CMSS1: variants seen among roughly 807,000 people sequenced by gnomAD.
The protein encoded by CMSS1 is cms1 ribosomal small subunit homolog.
A neutral mutation model predicts 43.5 loss-of-function variants in CMSS1; 33 were observed. That is an observed-to-expected ratio of 0.76 (90% CI 0.57 to 1.01). The LOEUF (loss-of-function observed/expected upper bound fraction) is 1.01. Among genes scored for constraint, CMSS1 ranks in the 50% least tolerant of loss-of-function variants. The pLI is 0.00. For missense variants in CMSS1, 313 were observed against 326.4 expected (o/e 0.96, Z 0.32); for synonymous variants, 115 against 117.2 (o/e 0.98, Z 0.12).
At chr3:100,122,384 G>A (rs1165511096) in intron 1 of CMSS1, among the ~76,000 whole-genome samples, 6 of 152,208 alleles carry the variant, frequency 3.9e-5, no homozygotes, top group African/African-American at 7.2e-5. Context: ...TAGCCACTGG[G>A]CATGGTTGGA....
At chr3:99,920,144 T>A (rs971211560) in intron 1 of CMSS1, among the ~76,000 whole-genome samples, 6 of 152,224 alleles carry the variant, frequency 3.9e-5, no homozygotes, top group African/African-American at 1.4e-4. Context: ...TAACAATATT[T>A]CTTTCCTGCT....
intron 1 of CMSS1, among the ~76,000 whole-genome samples, chr3:99,935,383 C>T (rs548796925): frequency 6.6e-6 from 1 of 152,032 alleles, no homozygotes; most frequent in Admixed American, 6.6e-5. Context: ...GCTTAGTTGT[C>T]AGTTTAACAC....
chr3:99,981,926 G>A (rs1007746289), intron 1 of CMSS1, among the ~76,000 whole-genome samples: 2 of 152,118 alleles, frequency 1.3e-5, no homozygotes, highest in African/African-American at 4.8e-5. Flanking sequence ...AGGAATTCAC[G>A]ACCAGCCTGG....
intron 1 of CMSS1, among the ~76,000 whole-genome samples, chr3:100,008,561 T>C (rs749023111): frequency 1.8e-4 from 27 of 152,178 alleles, no homozygotes; most frequent in Non-Finnish European, 3.4e-4. Context: ...GCAAAGAATA[T>C]AGTCTTTGAC....
chr3:100,070,946 G>A (rs1192065514), intron 1 of CMSS1, among the ~76,000 whole-genome samples: 4 of 151,970 alleles, frequency 2.6e-5, no homozygotes, highest in African/African-American at 9.7e-5. Flanking sequence ...TTTTCTTTGT[G>A]TATGATTTTC....
chr3:100,053,175 C>T (rs1367554346), intron 1 of CMSS1, among the ~76,000 whole-genome samples: 3 of 152,142 alleles, frequency 2.0e-5, no homozygotes, highest in Non-Finnish European at 4.4e-5. Flanking sequence ...CATAGCAAGC[C>T]TTCTGCCCCA....
chr3:99,824,355 T>C (rs1452686550), intron 1 of CMSS1, among the ~76,000 whole-genome samples: 5 of 152,226 alleles, frequency 3.3e-5, no homozygotes, highest in African/African-American at 1.2e-4. Context: ...ATTATTATGT[T>C]ATTATAATTC....
At chr3:99,877,045 T>A (rs1423912720) in intron 1 of CMSS1, among the ~76,000 whole-genome samples, 1 of 152,200 alleles carries the variant, frequency 6.6e-6, no homozygotes, top group Non-Finnish European at 1.5e-5. Context: ...AAGAATATTA[T>A]CCTCTAGTAT....
At chr3:99,912,196 C>T (rs935481113) in intron 1 of CMSS1, among the ~76,000 whole-genome samples, 2 of 152,172 alleles carry the variant, frequency 1.3e-5, no homozygotes, top group African/African-American at 4.8e-5. Context: ...CATGTTACAA[C>T]ATGTCTGAAC....
intron 1 of CMSS1, among the ~76,000 whole-genome samples, chr3:99,839,721 A>ATT (rs1943047512): frequency 6.6e-6 from 1 of 152,192 alleles, no homozygotes; most frequent in Admixed American, 6.5e-5. Context: ...ACAAATATAG[A>ATT]TGTTCAAGTA....
intron 1 of CMSS1, among the ~76,000 whole-genome samples, chr3:100,027,427 A>T (rs1416200343): frequency 1.3e-5 from 2 of 152,138 alleles, no homozygotes; most frequent in Admixed American, 6.6e-5. Context: ...CCTGGGCTGT[A>T]CTTCTTTTGG....
intron 1 of CMSS1, among the ~76,000 whole-genome samples, chr3:99,840,024 G>A (rs572792638): frequency 6.6e-6 from 1 of 152,070 alleles, no homozygotes; most frequent in African/African-American, 2.4e-5. Context: ...AGATATTATT[G>A]TCACAGTTGG....
intron 1 of CMSS1, among the ~76,000 whole-genome samples, chr3:99,989,058 C>T (rs187436223): frequency 6.6e-6 from 1 of 152,322 alleles, no homozygotes; most frequent in East Asian, 1.9e-4. Context: ...TCTTCCATCT[C>T]ATAAACTTAC....
chr3:99,920,205 CAT>C (rs1346398372), intron 1 of CMSS1, among the ~76,000 whole-genome samples: 4 of 151,938 alleles, frequency 2.6e-5, no homozygotes, highest in Non-Finnish European at 5.9e-5. Context: ...GGATAGCATA[CAT>C]AGTTTGTTTT....
chr3:99,997,269 G>C (rs1220121317), intron 1 of CMSS1, among the ~76,000 whole-genome samples: 3 of 152,106 alleles, frequency 2.0e-5, no homozygotes, highest in Admixed American at 1.3e-4. Context: ...ATGATAAAAG[G>C]AGGCATTTTT....
chr3:100,055,880 T>C (rs2065456077), intron 1 of CMSS1, among the ~76,000 whole-genome samples: 1 of 152,224 alleles, frequency 6.6e-6, no homozygotes. Flanking sequence ...TTTTCATAAC[T>C]ACCTTCAAGG....
chr3:99,849,024 G>T, intron 1 of CMSS1: 1 of 1,614,094 alleles, frequency 6.2e-7, no homozygotes. Context: ...GCACAAAGTT[G>T]GCATTGGGTT....
At chr3:100,045,678 G>A (rs1360527004) in intron 1 of CMSS1, among the ~76,000 whole-genome samples, 1 of 152,132 alleles carries the variant, frequency 6.6e-6, no homozygotes, top group Admixed American at 6.5e-5. Context: ...TTGATTTGTT[G>A]AGAAATATCT....
chr3:100,012,718 A>G (rs1233269695), intron 1 of CMSS1, among the ~76,000 whole-genome samples: 1 of 150,362 alleles, frequency 6.7e-6, no homozygotes, highest in Non-Finnish European at 1.5e-5. Context: ...TTCCAGATTA[A>G]ATCACTAGTG....
Sources: allele counts gnomAD v4.1 joint callset (sites outside exome capture counted in the v4.1 genomes callset), GRCh38; gene constraint gnomAD v4.1.1; transcripts MANE v1.5; gene names NCBI Gene and HGNC (gene_info 2026-07-23, HGNC 2026-07-21).